Variants in CDC42BPA observed in about 807,000 individuals in gnomAD.
CDC42BPA encodes the protein serine/threonine-protein kinase MRCK alpha.
Under a neutral mutation model 223.5 loss-of-function variants are expected in CDC42BPA, and 80 were observed. The ratio of observed to expected loss-of-function variants is 0.36; its 90% CI spans 0.30 to 0.43. The LOEUF is 0.43. Ranked by LOEUF, CDC42BPA falls within the 20% of genes least tolerant of loss-of-function variation. The pLI, the probability that CDC42BPA is intolerant of heterozygous loss-of-function variation, is 1.00. For synonymous variants in CDC42BPA, 694 were observed against 718.6 expected (o/e 0.97, Z 0.55); for missense variants, 1,743 against 2,099.9 (o/e 0.83, Z 3.32).
In CDC42BPA at chr1:227,173,472, T is replaced by A. The variant is rs561669104; in HGVS notation, c.600-12836A>T. On this transcript the variant is annotated intron_variant, in intron 5 of 36. Transcript: ENST00000366766. Reference sequence around the variant, plus strand: ...TACATGTAATTTATTTGAGTCATACTATGTTTTGCCTCTGGAAAGGACTGG... The same window carrying A: ...TACATGTAATTTATTTGAGTCATACAATGTTTTGCCTCTGGAAAGGACTGG... Among the ~76,000 whole-genome samples, 23 of 152,314 alleles carry A rather than the reference T, an allele frequency of 1.5e-4. No individual in the cohort carries two copies. The South Asian group carries it at 4.8e-3, about 32-fold the overall frequency.
chr1:227,204,565 A>C (rs957889267), intron 3 of CDC42BPA, among the ~76,000 whole-genome samples: 1 of 152,174 alleles, frequency 6.6e-6, no homozygotes, highest in Non-Finnish European at 1.5e-5. Flanking sequence ...TAATCCCTTC[A>C]TGTAAAAATT....
chr1:227,314,360 C>T (rs1008316993), intron 1 of CDC42BPA, among the ~76,000 whole-genome samples: 1 of 151,962 alleles, frequency 6.6e-6, no homozygotes, highest in Non-Finnish European at 1.5e-5. Context: ...TATTCCCTTG[C>T]TCTAGTGATC....
At chr1:227,267,738 C>T (rs200884567) in intron 1 of CDC42BPA, among the ~76,000 whole-genome samples, 1 of 152,132 alleles carries the variant, frequency 6.6e-6, no homozygotes, top group African/African-American at 2.4e-5. Context: ...GGAGAGCAAG[C>T]AAGGGCAATG....
At chr1:227,069,878 T>C in intron 20 of CDC42BPA, 25 bp from the exon 21 acceptor site, 1 of 1,528,128 alleles carries the variant, frequency 6.5e-7, no homozygotes, top group Non-Finnish European at 9.1e-7. Flanking sequence ...CAACTTTTTT[T>C]AAGGCTACAA....
intron 1 of CDC42BPA, among the ~76,000 whole-genome samples, chr1:227,264,612 C>T (rs1051676573): frequency 7.0e-6 from 1 of 143,400 alleles, no homozygotes; most frequent in African/African-American, 3.0e-5. Flanking sequence ...AAAAGTATAA[C>T]AATTCAGTTA....
At chr1:227,088,617 A>C (rs1682443858) in intron 16 of CDC42BPA, among the ~76,000 whole-genome samples, 1 of 152,190 alleles carries the variant, frequency 6.6e-6, no homozygotes, top group Non-Finnish European at 1.5e-5. Flanking sequence ...ACAAATTACA[A>C]CTTTTCTTAC....
At chr1:227,167,773 T>G (rs748566162) in intron 5 of CDC42BPA, among the ~76,000 whole-genome samples, 5 of 152,174 alleles carry the variant, frequency 3.3e-5, no homozygotes, top group Non-Finnish European at 4.4e-5. Context: ...AATAAAAAAT[T>G]TATAGTCTAG....
chr1:227,002,088 C>T lies in CDC42BPA; in HGVS notation c.4975+2906G>A, dbSNP rs1181420281. Among the ~76,000 whole-genome samples the T allele has an allele frequency of 2.6e-5, 4 of 152,076 alleles. No homozygotes were observed. The East Asian group carries it at 5.8e-4, about 22-fold the overall frequency. On this transcript the variant is annotated intron_variant, in intron 35 of 36. Coordinates refer to ENST00000366766, the MANE Select transcript of CDC42BPA (RefSeq NM_001394014.1). ...TTTGCTGTGTAAGTATTAATGTGTT[C>T]GTGGGAACTTAATGTGTTTGTTTGT... is the stretch of plus-strand genomic sequence containing the variant.
chr1:226,996,082 C>T (rs1039117516), intron 35 of CDC42BPA, among the ~76,000 whole-genome samples: 4 of 152,174 alleles, frequency 2.6e-5, no homozygotes, highest in East Asian at 3.8e-4. Context: ...CCTTGGTAAT[C>T]CCCCTTCCAC....
At chr1:227,088,666 A>T (rs1338800738) in intron 16 of CDC42BPA, among the ~76,000 whole-genome samples, 1 of 152,176 alleles carries the variant, frequency 6.6e-6, no homozygotes, top group East Asian at 1.9e-4. Context: ...TAAATGGCTG[A>T]TTTTTAAAAA....
At chr1:227,057,566 A>C (rs1298269928) in intron 21 of CDC42BPA, among the ~76,000 whole-genome samples, 1 of 152,172 alleles carries the variant, frequency 6.6e-6, no homozygotes, top group Non-Finnish European at 1.5e-5. Context: ...ACAGCTGAGT[A>C]ATTTGTAATT....
chr1:227,209,185 G>C (rs1489966479), intron 3 of CDC42BPA, among the ~76,000 whole-genome samples: 1 of 143,974 alleles, frequency 6.9e-6, no homozygotes, highest in Non-Finnish European at 1.5e-5. Context: ...AAGAATGCTT[G>C]TGATTTTTGT....
chr1:227,091,253 A>G (rs541894106), intron 16 of CDC42BPA, among the ~76,000 whole-genome samples: 2 of 152,296 alleles, frequency 1.3e-5, no homozygotes, highest in African/African-American at 4.8e-5. Context: ...TATGACTTCA[A>G]TGTCTGTCTC....
chr1:227,170,154 C>T (rs539490545), intron 5 of CDC42BPA, among the ~76,000 whole-genome samples: 10 of 152,156 alleles, frequency 6.6e-5, no homozygotes, highest in African/African-American at 2.4e-4. Context: ...CTATGACGTC[C>T]AAGGCTAGGT....
intron 2 of CDC42BPA, among the ~76,000 whole-genome samples, chr1:227,223,879 G>A (rs972603943): frequency 6.0e-5 from 9 of 151,186 alleles, no homozygotes; most frequent in Non-Finnish European, 1.3e-4. Flanking sequence ...GCAAACAACC[G>A]ACACTCTACA....
chr1:227,220,282 T>TTTTA lies in CDC42BPA; in HGVS notation c.271-7064_271-7063insTAAA, dbSNP rs748787987. Among the ~76,000 whole-genome samples the TTTTA allele has an allele frequency of 8.5e-3, 855 of 100,584 alleles. 11 individuals are homozygous for TTTTA. Among genetic ancestry groups the TTTTA allele is most frequent in the African/African-American group, 0.024 (598 of 24,718 alleles). 66.0% of individuals were successfully genotyped at this position (100,584 alleles called of 152,430 possible). ...GTCTCTTTAATGAAAAAAAGTCATG[T>TTTTA]TATATATATATATATATATATATAT... On this transcript the variant is annotated intron_variant, in intron 2 of 36. Coordinates refer to ENST00000366766, the MANE Select transcript of CDC42BPA (RefSeq NM_001394014.1).
chr1:227,078,401 C>G (rs1367816077), intron 17 of CDC42BPA, among the ~76,000 whole-genome samples: 1 of 152,128 alleles, frequency 6.6e-6, no homozygotes, highest in African/African-American at 2.4e-5. Flanking sequence ...AAGAAAAGTA[C>G]TACATTTATA....
intron 32 of CDC42BPA, among the ~76,000 whole-genome samples, chr1:227,019,413 A>G (rs1572282542): frequency 6.6e-6 from 1 of 152,172 alleles, no homozygotes; most frequent in East Asian, 1.9e-4. Context: ...AAAGTCATCT[A>G]TGAGGGCTGG....
At chr1:227,205,033 TG>T (rs1246189575) in intron 3 of CDC42BPA, among the ~76,000 whole-genome samples, 8 of 151,900 alleles carry the variant, frequency 5.3e-5, no homozygotes, top group African/African-American at 1.7e-4. Context: ...CTGAGGCAGA[TG>T]GATCACCTGA....
Sources: gnomAD v4.1 joint callset for allele counts (sites outside exome capture counted in the v4.1 genomes callset) on GRCh38, gnomAD v4.1.1 for gene constraint, MANE v1.5 for transcripts, NCBI Gene and HGNC (gene_info 2026-07-23, HGNC 2026-07-21) for gene names.